The following TG variants were observed in gnomAD, a reference collection of about 807,000 sequenced individuals.
The protein encoded by TG is thyroid hormones.
Under a neutral mutation model 324.7 loss-of-function variants are expected in TG, and 270 were observed. The observed-to-expected ratio is 0.83, with a 90% confidence interval of 0.75 to 0.92. The LOEUF (loss-of-function observed/expected upper bound fraction) is 0.92. TG is among the 40% of genes least tolerant of loss of function. The pLI, the probability that TG is intolerant of heterozygous loss-of-function variation, is 0.00. For missense variants in TG, 3,591 were observed against 3,456.4 expected (o/e 1.04, Z -0.98); for synonymous variants, 1,401 against 1,327.0 (o/e 1.06, Z -1.21).
At chr8:133,001,664 TCCGATGACGACAGGGAGACGTGAGCTGGG>T in intron 35 of TG, 1 of 800,522 alleles carries the variant, frequency 1.2e-6, no homozygotes. Context: ...GTTGTCTCCG[TCCGATGACGACAGGGAGACGTGAGCTGGG>T]CTCTTCCTTC....
intron 44 of TG, 23 bp from the exon 45 acceptor site, chr8:133,116,586 C>G: frequency 1.3e-6 from 2 of 1,599,324 alleles, no homozygotes; most frequent in Middle Eastern, 1.7e-4. Context: ...AACCAGACTC[C>G]CCCCATGTTC....
chr8:132,973,550 T>A (rs1829810931), intron 34 of TG, among the ~76,000 whole-genome samples: 1 of 152,224 alleles, frequency 6.6e-6, no homozygotes, highest in African/African-American at 2.4e-5. Flanking sequence ...GCCATCTACT[T>A]ACTATGGGTT....
intron 35 of TG, among the ~76,000 whole-genome samples, chr8:133,008,451 T>A (rs1834212913): frequency 6.6e-6 from 1 of 152,046 alleles, no homozygotes; most frequent in Non-Finnish European, 1.5e-5. Context: ...GGAGAGATTA[T>A]ATTTTAAAAT....
At chr8:133,091,088 G>T (rs1321547719) in intron 41 of TG, among the ~76,000 whole-genome samples, 1 of 152,224 alleles carries the variant, frequency 6.6e-6, no homozygotes, top group Non-Finnish European at 1.5e-5. Flanking sequence ...GCTCTGAGAG[G>T]TAGGTGAGCT....
intron 25 of TG, among the ~76,000 whole-genome samples, chr8:132,939,131 A>C (rs1442094604): frequency 6.6e-6 from 1 of 151,502 alleles, no homozygotes; most frequent in Non-Finnish European, 1.5e-5. Context: ...AGGGGAGCTG[A>C]GATGTGGCCC....
chr8:132,995,127 T>C (rs1360931459), intron 35 of TG: 42 of 972,904 alleles, frequency 4.3e-5, no homozygotes, highest in Non-Finnish European at 5.0e-5. Context: ...GCTGGGCAGA[T>C]CTCAGTCTCT....
chr8:132,868,901 A>G (rs1839218035), intron 2 of TG, among the ~76,000 whole-genome samples: 1 of 152,216 alleles, frequency 6.6e-6, no homozygotes, highest in African/African-American at 2.4e-5. Context: ...GTCATGTTGA[A>G]TCAGGGGAAC....
At chr8:133,026,385 G>A (rs1836078798) in intron 40 of TG, among the ~76,000 whole-genome samples, 1 of 152,202 alleles carries the variant, frequency 6.6e-6, no homozygotes, top group South Asian at 2.1e-4. Flanking sequence ...CCAGCCCAGT[G>A]TTTAAAAGGA....
intron 35 of TG, among the ~76,000 whole-genome samples, chr8:132,997,648 T>G (rs1313179065): frequency 6.6e-6 from 1 of 152,100 alleles, no homozygotes; most frequent in Non-Finnish European, 1.5e-5. Context: ...GAGTTAGTCA[T>G]GAAGAGCCCT....
intron 42 of TG, among the ~76,000 whole-genome samples, chr8:133,095,903 C>G (rs1848331660): frequency 6.6e-6 from 1 of 152,210 alleles, no homozygotes; most frequent in Non-Finnish European, 1.5e-5. Context: ...TCTTCAACCA[C>G]TGTCTCCTCC....
intron 21 of TG, among the ~76,000 whole-genome samples, chr8:132,921,310 T>C (rs1388898405): frequency 1.3e-5 from 2 of 152,150 alleles, no homozygotes. Flanking sequence ...ATTTTGGGGG[T>C]GAGCATTGAT....
chr8:132,901,518 G>T lies in TG; in HGVS notation c.3599G>T (p.Gly1200Val). The change falls in exon 16 of 48, where the codon GGG (glycine) becomes GTG (valine). Residue 1200 changes from glycine (G) to valine (V), a missense_variant. Physicochemically the swap from Gly to Val is moderately radical, Grantham distance 109. Transcript: ENST00000220616. ...ATGGACAGCGGAGAAGAGGTGCCTGGGACGCGCGTGACCGGGGGCCAGCCC... is the reference window on the plus strand; with the variant it reads ...ATGGACAGCGGAGAAGAGGTGCCTGTGACGCGCGTGACCGGGGGCCAGCCC... ...CVMDSGEEVP[G>V]TRVTGGQPAC... 6.2e-7 allele frequency: 1 copy of T among 1,613,882 alleles called. No homozygotes were observed.
At chr8:132,945,608 A>C (rs897066695) in intron 26 of TG, among the ~76,000 whole-genome samples, 1 of 152,144 alleles carries the variant, frequency 6.6e-6, no homozygotes, top group Admixed American at 6.5e-5. Context: ...GTGGTATCAA[A>C]TGTGTGGATA....
intron 41 of TG, chr8:133,072,949 TA>T (rs1269243498): frequency 6.6e-6 from 1 of 152,258 alleles, no homozygotes; most frequent in Non-Finnish European, 1.5e-5. Flanking sequence ...TAACACTGTT[TA>T]TTAATAGCTT....
At chr8:133,129,250 C>A (rs907032768) in intron 45 of TG, among the ~76,000 whole-genome samples, 2 of 152,190 alleles carry the variant, frequency 1.3e-5, no homozygotes, top group Non-Finnish European at 2.9e-5. Flanking sequence ...TCAAATTAAA[C>A]AGATGGGATG....
At position 133,058,349 on chromosome 8, in the gene TG, G is replaced by A. The variant is rs1662489490; in HGVS notation, c.7239+28326G>A. Among the ~76,000 whole-genome samples, 3 of 152,174 alleles carry A rather than the reference G, an allele frequency of 2.0e-5. No individual in the cohort carries two copies. The South Asian group carries it at 6.2e-4, about 32-fold the overall frequency. ...CTTCACCAGGGGGTGGAGGGGTGGG[G>A]AGACCCCTCTCTCTATGTCTGTTCT... On this transcript the variant is annotated intron_variant, in intron 41 of 47. Transcript: ENST00000220616.
At chr8:133,068,492 A>G (rs1843433012) in intron 41 of TG, among the ~76,000 whole-genome samples, 1 of 152,230 alleles carries the variant, frequency 6.6e-6, no homozygotes, top group Non-Finnish European at 1.5e-5. Context: ...TTTTAATTCC[A>G]TTCTTTATTA....
chr8:132,969,416 G>A (rs776936758), intron 31 of TG, 42 bp from the exon 32 acceptor site: 1 of 1,389,744 alleles, frequency 7.2e-7, no homozygotes, highest in Non-Finnish European at 1.0e-6. Context: ...CATGACTACA[G>A]CAAATCTCTA....
At position 132,963,047 on chromosome 8, in the gene TG, C is replaced by T. The variant is rs777968832; in HGVS notation, c.5521C>T (p.Pro1841Ser). 1.1e-5 allele frequency: 17 copies of T among 1,613,898 alleles called. No homozygotes were observed. Among genetic ancestry groups the T allele is most frequent in the East Asian group, 6.7e-5 (3 of 44,884 alleles). ...TATGGGATGTAGAAAAGACACAGTG[C>T]CAAGGCCAGCATCTCCAACAGAAGC... ...ESMGCRKDTV[P>S]RPASPTEAGL... The change falls in exon 29 of 48, where the codon CCA (proline) becomes TCA (serine). Residue 1841 changes from proline (P) to serine (S), a missense_variant. Transcript: ENST00000220616.
Sources: allele counts gnomAD v4.1 joint callset (sites outside exome capture counted in the v4.1 genomes callset), GRCh38; gene constraint gnomAD v4.1.1; transcripts MANE v1.5; gene names NCBI Gene and HGNC (gene_info 2026-07-23, HGNC 2026-07-21).